DMD: variants seen among roughly 807,000 people sequenced by gnomAD.
DMD encodes the protein mutant dystrophin.
Under a neutral mutation model 330.1 loss-of-function variants are expected in DMD, and 63 were observed. The ratio of observed to expected loss-of-function variants is 0.19; its 90% CI spans 0.16 to 0.24. The LOEUF (loss-of-function observed/expected upper bound fraction) is 0.24, where lower values mean the gene tolerates loss of function less well. Among genes scored for constraint, DMD ranks in the 10% least tolerant of loss-of-function variants. The probability of loss-of-function intolerance (pLI) is 1.00; values close to 1 mark genes in which losing one functional copy is unlikely to be tolerated. For missense variants in DMD, 3,344 were observed against 2,684.1 expected (o/e 1.25, Z -5.43); for synonymous variants, 1,223 against 959.8 (o/e 1.27, Z -5.07).
At chrX:31,198,558 T>C (rs1356128666) in intron 67 of DMD, among the ~76,000 whole-genome samples, 1 of 112,331 alleles carries the variant, frequency 8.9e-6, no homozygotes, top group Non-Finnish European at 1.9e-5. Flanking sequence ...AGTACTATTA[T>C]GTGTCCATAA....
At chrX:32,293,771 T>C (rs1429509811) in intron 42 of DMD, among the ~76,000 whole-genome samples, 3 of 111,679 alleles carry the variant, frequency 2.7e-5, no homozygotes, top group African/African-American at 9.8e-5. Flanking sequence ...ATCCCAAATC[T>C]CAGCATCAAA....
chrX:31,445,555 T>C (rs150425688), intron 59 of DMD, among the ~76,000 whole-genome samples: 1,288 of 112,195 alleles, frequency 0.011, 7 homozygotes, highest in South Asian at 0.034. Context: ...TATTCAGTCA[T>C]AAAATATTGC....
intron 60 of DMD, among the ~76,000 whole-genome samples, chrX:31,402,421 A>G (rs2061231287): frequency 8.9e-6 from 1 of 112,001 alleles, no homozygotes; most frequent in South Asian, 3.7e-4. Flanking sequence ...TTATGGTGGC[A>G]AGATCCCTTA....
intron 45 of DMD, among the ~76,000 whole-genome samples, chrX:31,934,342 C>T (rs1364710472): frequency 9.0e-6 from 1 of 111,657 alleles, no homozygotes; most frequent in Non-Finnish European, 1.9e-5. Context: ...ATTCAGTTTT[C>T]CTATATGATA....
chrX:32,875,927 C>A (rs1245663601), intron 2 of DMD, among the ~76,000 whole-genome samples: 1 of 111,580 alleles, frequency 9.0e-6, no homozygotes, highest in Non-Finnish European at 1.9e-5. Flanking sequence ...GCCGTATCAT[C>A]TGCCCCCATG....
intron 7 of DMD, among the ~76,000 whole-genome samples, chrX:32,799,594 A>G (rs1227774213): frequency 1.1e-5 from 1 of 94,839 alleles, no homozygotes; most frequent in African/African-American, 3.8e-5. Context: ...TATAGGGAGG[A>G]TTTTTTTTTT....
At chrX:31,950,717 C>G (rs1280490326) in intron 45 of DMD, among the ~76,000 whole-genome samples, 1 of 109,958 alleles carries the variant, frequency 9.1e-6, no homozygotes, top group Non-Finnish European at 1.9e-5. Flanking sequence ...CTTAATTGAC[C>G]CCTTATATAA....
At chrX:33,247,877 T>C (rs977836338) in intron 1 of DMD, among the ~76,000 whole-genome samples, 2 of 111,557 alleles carry the variant, frequency 1.8e-5, no homozygotes, top group Non-Finnish European at 3.8e-5. Context: ...TAAAATAATT[T>C]ACATAACTAT....
At chrX:33,095,166 C>A (rs747769216) in intron 1 of DMD, among the ~76,000 whole-genome samples, 1 of 112,204 alleles carries the variant, frequency 8.9e-6, no homozygotes, top group African/African-American at 3.2e-5. Flanking sequence ...CATATGACAA[C>A]GTTTTGAATA....
At chrX:31,286,961 C>T (rs754305853) in intron 62 of DMD, among the ~76,000 whole-genome samples, 8 of 112,232 alleles carry the variant, frequency 7.1e-5, no homozygotes, top group African/African-American at 9.7e-5. Flanking sequence ...AGACAGGTTT[C>T]GCCATGTTGG....
At chrX:31,570,305 A>G (rs1276187625) in intron 55 of DMD, among the ~76,000 whole-genome samples, 3 of 111,673 alleles carry the variant, frequency 2.7e-5, no homozygotes, top group Non-Finnish European at 5.7e-5. Flanking sequence ...ATGACATCAT[A>G]TCACAGGAGA....
chrX:31,947,874 C>A (rs908189698), intron 45 of DMD, among the ~76,000 whole-genome samples: 2 of 75,824 alleles, frequency 2.6e-5, no homozygotes, highest in African/African-American at 1.1e-4. Flanking sequence ...TCTCCTTCTT[C>A]TTCTTCTTCT....
intron 9 of DMD, among the ~76,000 whole-genome samples, chrX:32,657,488 C>A (rs938333056): frequency 1.8e-5 from 2 of 111,623 alleles, no homozygotes; most frequent in African/African-American, 3.3e-5. Context: ...AAAGGGGGGA[C>A]CTATTTCCAA....
At chrX:31,244,995 C>T (rs918166318) in intron 63 of DMD, among the ~76,000 whole-genome samples, 3 of 111,828 alleles carry the variant, frequency 2.7e-5, no homozygotes, top group Non-Finnish European at 3.8e-5. Flanking sequence ...AACCAATGAA[C>T]GAACGAGGCC....
intron 9 of DMD, among the ~76,000 whole-genome samples, chrX:32,660,981 A>T (rs769667351): frequency 9.0e-6 from 1 of 111,409 alleles, no homozygotes; most frequent in Admixed American, 9.6e-5. Context: ...ACGCTAATAA[A>T]TAAGAGAGAG....
At chrX:32,284,255 A>G (rs959867626) in intron 43 of DMD, among the ~76,000 whole-genome samples, 2 of 111,838 alleles carry the variant, frequency 1.8e-5, no homozygotes, top group African/African-American at 6.5e-5. Context: ...TGAATGGTCT[A>G]TAGACCTTGA....
Position 32,362,824 on chromosome X carries a change from T to A in DMD, c.5289A>T (p.Arg1763=), listed in dbSNP as rs2147232790. The change falls in exon 37 of 79, where the codon CGA becomes CGT. Residue 1763 remains arginine, a synonymous_variant. Transcript: ENST00000357033. Reference sequence around the variant, plus strand: ...TAATTCTGTGTGAAATGGCTGCAAATCGATGGTTGAGCTCTGAGATTTGGG... The same window carrying A: ...TAATTCTGTGTGAAATGGCTGCAAAACGATGGTTGAGCTCTGAGATTTGGG... ...VEPQISELNH[R]FAAISHRIKT... 9 of 1,211,044 alleles carry A rather than the reference T, an allele frequency of 7.4e-6. No homozygotes were observed. Among genetic ancestry groups the A allele is most frequent in the Non-Finnish European group, 7.8e-6 (7 of 895,404 alleles).
At position 31,206,816 on chromosome X, in the gene DMD, A is replaced by C. The variant is rs980329555; in HGVS notation, c.9564-149T>G. The C allele has an allele frequency of 2.0e-5, 10 of 506,283 alleles. No individual in the cohort carries two copies. In the African/African-American group the frequency reaches 2.4e-4, roughly 12 times the overall value. The allele number at this position is 506,283 out of a possible 1,213,427, so 41.7% of individuals were successfully genotyped here. On this transcript the variant is annotated intron_variant, in intron 65 of 78. Coordinates refer to ENST00000357033, the MANE Select transcript of DMD (RefSeq NM_004006.3). Reference sequence around the variant, plus strand: ...CTCTATTGACCACTGTTTTATTAAGATTGTTTTGAACTTTTCCAAATTCAT... The same window carrying C: ...CTCTATTGACCACTGTTTTATTAAGCTTGTTTTGAACTTTTCCAAATTCAT...
At position 31,120,824 on chromosome X, in the gene DMD, T is replaced by G. The variant is rs1372471363; in HGVS notation, c.*1095A>C. ...TGATTGATTTCCACTGAAGCATCATTAAATCTAAATCGTGGCATTGCTAGC... is the reference window on the plus strand; with the variant it reads ...TGATTGATTTCCACTGAAGCATCATGAAATCTAAATCGTGGCATTGCTAGC... On this transcript the variant is annotated 3_prime_UTR_variant, in exon 79 of 79. Transcript: ENST00000357033. 9.1e-6 allele frequency: 1 copy of G among 109,945 alleles called. No individual in the cohort carries two copies. The highest frequency in any genetic ancestry group is 1.9e-5 in the Non-Finnish European group (1 of 52,848). The allele number at this position is 109,945 out of a possible 1,213,427, so 9.1% of individuals were successfully genotyped here.
Sources: allele counts gnomAD v4.1 joint callset (sites outside exome capture counted in the v4.1 genomes callset), GRCh38; gene constraint gnomAD v4.1.1; transcripts MANE v1.5; gene names NCBI Gene and HGNC (gene_info 2026-07-23, HGNC 2026-07-21).